GPSM1: variants seen among roughly 807,000 people sequenced by gnomAD.
The protein encoded by GPSM1 is G protein-signaling modulator 1.
A neutral mutation model predicts 70.5 loss-of-function variants in GPSM1; 48 were observed. The observed-to-expected ratio is 0.68, with a 90% CI of 0.54 to 0.87. The LOEUF (loss-of-function observed/expected upper bound fraction) is 0.87, where lower values mean the gene tolerates loss of function less well. GPSM1 is among the 40% of genes least tolerant of loss of function. The pLI, the probability that GPSM1 is intolerant of heterozygous loss-of-function variation, is 0.00. For missense variants in GPSM1, 981 were observed against 972.6 expected, an observed-to-expected ratio of 1.01 and a Z score of -0.11; for synonymous variants, 416 against 430.1, an observed-to-expected ratio of 0.97 and a Z score of 0.41.
intron 11 of GPSM1, chr9:136,354,955 A>T (rs1832774696): frequency 9.6e-7 from 1 of 1,036,364 alleles, no homozygotes; most frequent in South Asian, 3.0e-5. Context: ...CAGGTGACGG[A>T]CAGAGGCCTG....
chr9:136,337,323 C>T (rs1001933839), intron 4 of GPSM1, 118 bp from the exon 5 acceptor site: 8 of 1,448,974 alleles, frequency 5.5e-6, no homozygotes, highest in African/African-American at 4.3e-5. Flanking sequence ...ACCCTAGCCA[C>T]CCTCTTTCCA....
At chr9:136,352,552 C>G (rs992533378) in intron 11 of GPSM1, among the ~76,000 whole-genome samples, 7 of 152,246 alleles carry the variant, frequency 4.6e-5, no homozygotes, top group African/African-American at 1.2e-4. Context: ...AGAGAGGCAG[C>G]AACCAGAGGC....
At position 136,349,711 on chromosome 9, in the gene GPSM1, G is replaced by T; in HGVS notation, c.1403G>T (p.Gly468Val). The change falls in exon 11 of 14, where the codon GGC becomes GTC. Residue 468 changes from glycine (G) to valine (V), a missense_variant. By Grantham distance (109) the Gly-to-Val change is moderately radical. Coordinates refer to ENST00000440944, the MANE Select transcript of GPSM1 (RefSeq NM_001145638.3). ...GPDAERRPREGSHSPLDSADV... is the reference protein window; with the variant it reads ...GPDAERRPREVSHSPLDSADV... ...GACGCTGAGAGGAGGCCCCGGGAGG[G>T]CAGCCACTCCCCGCTGGACAGCGCC... 6.4e-7 allele frequency: 1 copy of T among 1,572,416 alleles called. No individual in the cohort carries two copies. The highest frequency in any genetic ancestry group is 8.6e-7 in the Non-Finnish European group (1 of 1,159,932).
In GPSM1 at chr9:136,335,968, C is replaced by A; in HGVS notation, c.293C>A (p.Thr98Asn). The A allele has an allele frequency of 6.2e-7, 1 of 1,612,336 alleles. No homozygotes were observed. The highest frequency in any genetic ancestry group is 8.5e-7 in the Non-Finnish European group (1 of 1,179,806). The part of the protein sequence containing the change: ...YHKHDLLLAR[T>N]IGDRMGEAKA... The stretch of plus-strand genomic sequence containing the variant: ...CCTCACTCCTCCCTGCCATCCAGGA[C>A]CATCGGTGACCGCATGGGGGAGGCC... The change falls in exon 3 of 14, where the codon ACC (threonine) becomes AAC (asparagine). Residue 98 changes from threonine (T) to asparagine (N), a missense_variant and splice_region_variant. Physicochemically the swap from Thr to Asn is moderately conservative, Grantham distance 65. Transcript: ENST00000440944.
At position 136,338,698 on chromosome 9, in the gene GPSM1, A is replaced by G. The variant is rs1182181356; in HGVS notation, c.962A>G (p.Glu321Gly). 1 of 1,557,892 alleles carries G rather than the reference A, an allele frequency of 6.4e-7. No homozygotes were observed. The highest frequency in any genetic ancestry group is 1.4e-5 in the African/African-American group (1 of 73,794). ...YHLRHLLIAQELADRVGEGRA... is the reference protein window; with the variant it reads ...YHLRHLLIAQGLADRVGEGRA... ...CTGCGGCACCTGCTCATTGCCCAGGAGCTGGCCGACAGGTGCGTGGGCGCG... is the reference window on the plus strand; with the variant it reads ...CTGCGGCACCTGCTCATTGCCCAGGGGCTGGCCGACAGGTGCGTGGGCGCG... The change falls in exon 7 of 14, where the codon GAG (glutamate) becomes GGG (glycine). Residue 321 changes from glutamate (E) to glycine (G), a missense_variant. Transcript: ENST00000440944.
At chr9:136,345,442 C>T (rs1832499781) in intron 9 of GPSM1, among the ~76,000 whole-genome samples, 2 of 152,160 alleles carry the variant, frequency 1.3e-5, no homozygotes, top group Non-Finnish European at 2.9e-5. Flanking sequence ...TTGAGCCAGG[C>T]GCAGCGGGCC....
rs868940985 is a variant in GPSM1, at chr9:136,327,578, G to C, written c.-118G>C. ...TCCCCGGGGGAGGACGGGCGAACGAGGCGCGGACGGACAGGCGGACAGCAG... is the reference window on the plus strand; with the variant it reads ...TCCCCGGGGGAGGACGGGCGAACGACGCGCGGACGGACAGGCGGACAGCAG... On this transcript the variant is annotated 5_prime_UTR_variant, in exon 1 of 14. Coordinates refer to ENST00000440944, the MANE Select transcript of GPSM1 (RefSeq NM_001145638.3). The C allele has an allele frequency of 3.0e-5, 6 of 202,478 alleles. No individual in the cohort carries two copies. The highest frequency in any genetic ancestry group is 1.2e-4 in the African/African-American group (5 of 42,296). 12.5% of individuals were successfully genotyped at this position (202,478 alleles called of 1,614,324 possible).
chr9:136,327,736 G>GC lies in GPSM1; in HGVS notation c.44dup (p.Ala16GlyfsTer37). On this transcript the variant is annotated frameshift_variant, in exon 1 of 14. Transcript: ENST00000440944. LOFTEE classifies it high-confidence loss of function. ...CCGCCCGCGGCCGACGAGCTCCCGG[G>GC]CCCGGCCGCCAGGCGCCTCTACTCC... 8.4e-7 allele frequency: 1 copy of GC among 1,193,876 alleles called. No individual in the cohort carries two copies. The highest frequency in any genetic ancestry group is 1.0e-6 in the Non-Finnish European group (1 of 964,354). 74.0% of individuals were successfully genotyped at this position (1,193,876 alleles called of 1,614,324 possible).
At chr9:136,337,228 G>A (rs552256362) in intron 4 of GPSM1, among the ~76,000 whole-genome samples, 156 bp downstream of exon 4, 66 of 152,162 alleles carry the variant, frequency 4.3e-4, no homozygotes, top group Non-Finnish European at 7.3e-4. Flanking sequence ...TCAGCTGCTG[G>A]CTCCCTCCCC....
chr9:136,339,692 C>T lies in GPSM1; in HGVS notation c.975-15C>T, dbSNP rs995657784. The T allele has an allele frequency of 3.2e-5, 49 of 1,527,558 alleles. No homozygotes were observed. Among genetic ancestry groups the T allele is most frequent in the Non-Finnish European group, 4.1e-5 (46 of 1,126,426 alleles). The allele number at this position is 1,527,558 out of a possible 1,614,324, so 94.6% of individuals were successfully genotyped here. On this transcript the variant is annotated splice_polypyrimidine_tract_variant and intron_variant, in intron 7 of 13. Transcript: ENST00000440944. ...TGGAGAGGGCGGGTATGAATCTGGT[C>T]TCCCTCTCTGGCAGAGTGGGCGAGG...
chr9:136,350,202 C>T (rs1554771876), intron 11 of GPSM1, among the ~76,000 whole-genome samples: 1 of 152,272 alleles, frequency 6.6e-6, no homozygotes, highest in African/African-American at 2.4e-5. Context: ...CTGAAAGGAA[C>T]TGGCTGCCTT....
At chr9:136,354,830 G>C in intron 11 of GPSM1, 2 of 997,158 alleles carry the variant, frequency 2.0e-6, no homozygotes, top group Non-Finnish European at 2.4e-6. Context: ...TGGACACAGG[G>C]AGCTCATGGC....
At position 136,341,634 on chromosome 9, in the gene GPSM1, C is replaced by T; in HGVS notation, c.1207+641C>T. The T allele has an allele frequency of 9.9e-7, 1 of 1,005,314 alleles. No homozygotes were observed. Among genetic ancestry groups the T allele is most frequent in the Non-Finnish European group, 1.2e-6 (1 of 841,260 alleles). The allele number at this position is 1,005,314 out of a possible 1,614,324, so 62.3% of individuals were successfully genotyped here. A position where few individuals can be genotyped will look rare whatever the true frequency, so the allele number is the denominator to read the frequency against. ...GGGTGAGGGGCAGGCTTGGGGGGAG[C>T]AGCTGCCCCACCCATGTGTCCCCCA... On this transcript the variant is annotated intron_variant, in intron 9 of 13. Coordinates refer to ENST00000440944, the MANE Select transcript of GPSM1 (RefSeq NM_001145638.3). This position sits in a 1 kb window ranked among gnomAD's most constrained non-coding sequence, Gnocchi z 6.7.
At chr9:136,338,405 A>C (rs1554769646) in intron 6 of GPSM1, 150 bp from the exon 7 acceptor site, 3 of 745,148 alleles carry the variant, frequency 4.0e-6, no homozygotes, top group Non-Finnish European at 6.4e-6. Context: ...CTCTGTGGCC[A>C]TGTGAGGGTG....
chr9:136,336,092 G>A lies in GPSM1; in HGVS notation c.417G>A (p.Gln139=), dbSNP rs1554769185. Residue 139 remains glutamine (Q), a synonymous_variant, in exon 3 of 14, where the codon CAG becomes CAA. Transcript: ENST00000440944. The part of the protein sequence containing the change: ...CQRHLSIAQE[Q]GDKVGEARAL... The stretch of plus-strand genomic sequence containing the variant: ...GGCATCTGAGCATCGCCCAAGAGCA[G>A]GGAGACAAGGTGGGGGCTTGGTCCG... 6.2e-7 allele frequency: 1 copy of A among 1,611,096 alleles called. No homozygotes were observed.
intron 11 of GPSM1, chr9:136,353,117 C>T (rs1588707202): frequency 2.0e-6 from 2 of 985,166 alleles, no homozygotes; most frequent in African/African-American, 1.7e-5. Flanking sequence ...AAGCACCCAG[C>T]GTGGCTCCCT....
intron 9 of GPSM1, among the ~76,000 whole-genome samples, chr9:136,348,057 G>A (rs898496507): frequency 4.6e-5 from 7 of 152,196 alleles, no homozygotes; most frequent in African/African-American, 1.7e-4. Flanking sequence ...AGGCAGCTGT[G>A]CCCCACCACC....
Position 136,358,370 on chromosome 9 carries a change from C to A in GPSM1, c.*150C>A, listed in dbSNP as rs1158100293. On this transcript the variant is annotated 3_prime_UTR_variant, in exon 14 of 14. Transcript: ENST00000440944. ...CCGACCCAGGGCGACAGGCTCAGGC[C>A]AAGCTGCCCGTGGTGGGAGGGCGTG... 1.4e-6 allele frequency: 1 copy of A among 731,364 alleles called. No homozygotes were observed. The highest frequency in any genetic ancestry group is 2.2e-6 in the Non-Finnish European group (1 of 454,020). 45.3% of individuals were successfully genotyped at this position (731,364 alleles called of 1,614,324 possible). A position where few individuals can be genotyped will look rare whatever the true frequency, so the allele number is the denominator to read the frequency against.
rs1832446964 is a variant in GPSM1 at position 136,343,614 on chromosome 9, CA to C, written c.1207+2622del. On this transcript the variant is annotated intron_variant, in intron 9 of 13. Transcript: ENST00000440944. This position sits in a 1 kb window ranked among gnomAD's most constrained non-coding sequence, Gnocchi z 6.0. ...GATGTGCATGGCATAACCTCCCCTGCAGTTTAGGCTGTGGGCTCCAGCCCTG... is the reference window on the plus strand; with the variant it reads ...GATGTGCATGGCATAACCTCCCCTGCGTTTAGGCTGTGGGCTCCAGCCCTG... 6.6e-6 allele frequency among the ~76,000 whole-genome samples: 1 copy of C among 152,220 alleles called. No homozygotes were observed. Among genetic ancestry groups the C allele is most frequent in the Admixed American group, 6.5e-5 (1 of 15,290 alleles).
Sources: gnomAD v4.1 joint callset for allele counts (sites outside exome capture counted in the v4.1 genomes callset) on GRCh38, gnomAD v4.1.1 for gene constraint, Gnocchi (gnomAD v3.1) non-coding constraint, MANE v1.5 for transcripts, NCBI Gene and HGNC (gene_info 2026-07-23, HGNC 2026-07-21) for gene names.